CPNE8: variants seen among roughly 807,000 people sequenced by gnomAD.
CPNE8 encodes the protein copine 8, also known as copine-8.
Under a neutral mutation model 81.5 loss-of-function variants are expected in CPNE8, and 45 were observed. That is an observed-to-expected ratio of 0.55 (90% CI 0.44 to 0.71). CPNE8 has a LOEUF of 0.71. CPNE8 is among the 30% of genes least tolerant of loss of function. The pLI, the probability that CPNE8 is intolerant of heterozygous loss-of-function variation, is 0.00. For missense variants in CPNE8, 594 were observed against 672.1 expected, an observed-to-expected ratio of 0.88 and a Z score of 1.28; for synonymous variants, 252 against 226.3, an observed-to-expected ratio of 1.11 and a Z score of -1.02.
intron 3 of CPNE8, among the ~76,000 whole-genome samples, chr12:38,852,585 A>C (rs2137064812): frequency 6.6e-6 from 1 of 152,258 alleles, no homozygotes; most frequent in African/African-American, 2.4e-5. Context: ...CTGGGCAACA[A>C]GAGTGAAACT....
chr12:38,790,672 T>C (rs1442657879), intron 6 of CPNE8, among the ~76,000 whole-genome samples: 1 of 151,768 alleles, frequency 6.6e-6, no homozygotes, highest in Non-Finnish European at 1.5e-5. Context: ...ATGTGATTAT[T>C]ACACATTGCA....
At chr12:38,816,222 G>GA (rs1361839724) in intron 6 of CPNE8, among the ~76,000 whole-genome samples, 1 of 152,048 alleles carries the variant, frequency 6.6e-6, no homozygotes, top group African/African-American at 2.4e-5. Flanking sequence ...AAATAATCAA[G>GA]AGAAAAAGAG....
chr12:38,896,819 A>G (rs1265522821), intron 1 of CPNE8, among the ~76,000 whole-genome samples: 1 of 152,056 alleles, frequency 6.6e-6, no homozygotes, highest in Admixed American at 6.6e-5. Context: ...CCTTGGTTCT[A>G]TGTTTCTGTG....
chr12:38,736,219 A>G (rs12322306), intron 10 of CPNE8, among the ~76,000 whole-genome samples: 82,196 of 149,328 alleles, frequency 0.55, 23,123 homozygotes, highest in East Asian at 0.8. Flanking sequence ...GGGTGTATAT[A>G]TGTGTGTGTG....
chr12:38,818,067 G>A (rs1452124740), intron 6 of CPNE8, among the ~76,000 whole-genome samples: 1 of 152,110 alleles, frequency 6.6e-6, no homozygotes, highest in Non-Finnish European at 1.5e-5. Flanking sequence ...AACAGTACTT[G>A]TCTAGCTCGT....
chr12:38,760,435 G>GTATATATATATATA (rs139244982), intron 10 of CPNE8, among the ~76,000 whole-genome samples: 4,499 of 127,032 alleles, frequency 0.035, 149 homozygotes, highest in East Asian at 0.079. Flanking sequence ...TGTATGGTGT[G>GTATATATATATATA]TATATATATA....
chr12:38,722,060 G>T (rs1210201439), intron 13 of CPNE8, among the ~76,000 whole-genome samples: 1 of 152,168 alleles, frequency 6.6e-6, no homozygotes, highest in Admixed American at 6.5e-5. Context: ...AACGAGCCCA[G>T]CAGGCCCTAG....
intron 3 of CPNE8, among the ~76,000 whole-genome samples, chr12:38,870,691 A>G (rs922680508): frequency 6.6e-6 from 1 of 152,144 alleles, no homozygotes; most frequent in Admixed American, 6.6e-5. Context: ...TACCTAATGT[A>G]GATGACGGGT....
At chr12:38,693,918 G>A (rs1939737324) in intron 14 of CPNE8, 80 bp from the exon 15 acceptor site, 1 of 1,137,428 alleles carries the variant, frequency 8.8e-7, no homozygotes, top group Non-Finnish European at 1.2e-6. Flanking sequence ...GTCTATTTCA[G>A]AATGAAATAT....
At chr12:38,789,799 G>A (rs1354125556) in intron 6 of CPNE8, among the ~76,000 whole-genome samples, 3 of 151,876 alleles carry the variant, frequency 2.0e-5, no homozygotes, top group Admixed American at 1.3e-4. Context: ...GATCTGAATC[G>A]ACATTTCTCA....
At chr12:38,776,764 T>C (rs1941947625) in intron 6 of CPNE8, among the ~76,000 whole-genome samples, 1 of 152,150 alleles carries the variant, frequency 6.6e-6, no homozygotes, top group South Asian at 2.1e-4. Flanking sequence ...ACAGATTGCA[T>C]ATACATTGGT....
At chr12:38,836,198 G>A (rs865864142) in intron 5 of CPNE8, among the ~76,000 whole-genome samples, 3 of 151,844 alleles carry the variant, frequency 2.0e-5, no homozygotes, top group African/African-American at 4.8e-5. Flanking sequence ...AACAGTATAG[G>A]GAAAAATATC....
chr12:38,793,229 T>A (rs759525555), intron 6 of CPNE8, among the ~76,000 whole-genome samples: 11 of 142,252 alleles, frequency 7.7e-5, no homozygotes, highest in Non-Finnish European at 1.2e-4. Flanking sequence ...GCCAGTGCAA[T>A]TAGGCAAGAA....
rs554429100 is a variant in CPNE8, at chr12:38,724,795, T to C, written c.852+51A>G. ...GGATTAAAGATGCCATCTACATATA[T>C]GCTTATTCATTTATTTTAATCTTTA... On this transcript the variant is annotated intron_variant, in intron 12 of 19. Coordinates refer to ENST00000331366, the MANE Select transcript of CPNE8 (RefSeq NM_153634.3). The C allele has an allele frequency of 3.3e-6, 4 of 1,218,004 alleles. No homozygotes were observed. The East Asian group carries it at 7.8e-5, about 24-fold the overall frequency. The allele number at this position is 1,218,004 out of a possible 1,614,324, so 75.4% of individuals were successfully genotyped here. A position where few individuals can be genotyped will look rare whatever the true frequency, so the allele number is the denominator to read the frequency against.
intron 3 of CPNE8, among the ~76,000 whole-genome samples, chr12:38,857,403 A>G (rs1943758911): frequency 6.6e-6 from 1 of 152,210 alleles, no homozygotes; most frequent in Admixed American, 6.5e-5. Context: ...CACTTCCAGA[A>G]AGATGGAGTC....
At position 38,905,481 on chromosome 12, in the gene CPNE8, G is replaced by A. The variant is rs1168871405; in HGVS notation, c.54C>T (p.Ser18=). 7 of 1,576,238 alleles carry A rather than the reference G, an allele frequency of 4.4e-6. No individual in the cohort carries two copies. The East Asian group carries it at 1.4e-4, about 31-fold the overall frequency. ...TAGIGDLNQL[S]AAIPATRVEV... is the part of the protein sequence containing the mutation. Reference sequence around the variant, plus strand: ...CCACCCGCGTGGCCGGGATGGCAGCGCTCAGCTGGTTCAAGTCCCCGATGC... The same window carrying A: ...CCACCCGCGTGGCCGGGATGGCAGCACTCAGCTGGTTCAAGTCCCCGATGC... Residue 18 remains serine, a synonymous_variant, in exon 1 of 20, where the codon AGC becomes AGT. Coordinates refer to ENST00000331366, the MANE Select transcript of CPNE8 (RefSeq NM_153634.3).
intron 13 of CPNE8, among the ~76,000 whole-genome samples, chr12:38,721,748 C>T (rs976761386): frequency 2.0e-5 from 3 of 152,184 alleles, no homozygotes; most frequent in Non-Finnish European, 4.4e-5. Context: ...ATGTGACTTC[C>T]TTTTTGGTGT....
At chr12:38,906,203 G>A (rs1944569753), upstream of CPNE8, 2 of 985,584 alleles carry the variant, frequency 2.0e-6, no homozygotes, top group East Asian at 2.3e-4. Flanking sequence ...GGGCAGATGA[G>A]TCTGGTCCCA....
chr12:38,782,917 CA>C (rs1330740454), intron 6 of CPNE8, among the ~76,000 whole-genome samples: 3 of 152,048 alleles, frequency 2.0e-5, no homozygotes, highest in Non-Finnish European at 4.4e-5. Context: ...TGGGCTCAAG[CA>C]ATCCTCCAGA....
Sources: gnomAD v4.1 joint callset for allele counts (sites outside exome capture counted in the v4.1 genomes callset) on GRCh38, gnomAD v4.1.1 for gene constraint, MANE v1.5 for transcripts, NCBI Gene and HGNC (gene_info 2026-07-23, HGNC 2026-07-21) for gene names.